The following ITFG1 variants were observed in gnomAD, a reference collection of about 807,000 sequenced individuals.
ITFG1 encodes the protein integrin alpha FG-GAP repeat containing 1.
A neutral mutation model predicts 81.8 loss-of-function variants in ITFG1; 34 were observed. The ratio of observed to expected loss-of-function variants is 0.42; its 90% CI spans 0.32 to 0.55. The LOEUF (loss-of-function observed/expected upper bound fraction) is 0.55, where lower values mean the gene tolerates loss of function less well. ITFG1 is among the 20% of genes least tolerant of loss of function. The pLI, the probability that ITFG1 is intolerant of heterozygous loss-of-function variation, is 0.17. For synonymous variants in ITFG1, 285 were observed against 270.6 expected (o/e 1.05, Z -0.52); for missense variants, 672 against 755.4 (o/e 0.89, Z 1.29).
intron 10 of ITFG1, among the ~76,000 whole-genome samples, chr16:47,307,622 T>G (rs923271253): frequency 2.0e-5 from 3 of 152,192 alleles, no homozygotes. Context: ...ACAATATTTC[T>G]TTCTTCTTTT....
chr16:47,379,458 C>A (rs1304432425), intron 6 of ITFG1, among the ~76,000 whole-genome samples: 2 of 152,030 alleles, frequency 1.3e-5, no homozygotes, highest in Admixed American at 6.6e-5. Context: ...GAGGCCGAGG[C>A]GGGCAGATCA....
chr16:47,454,538 G>T (rs575329664), intron 2 of ITFG1, among the ~76,000 whole-genome samples: 8 of 152,080 alleles, frequency 5.3e-5, no homozygotes, highest in Non-Finnish European at 7.4e-5. Context: ...TTATCACTGG[G>T]ATGTTTTCAA....
chr16:47,438,848 G>C (rs907060012), intron 5 of ITFG1, among the ~76,000 whole-genome samples: 1 of 152,202 alleles, frequency 6.6e-6, no homozygotes. Flanking sequence ...TGACTTTGAC[G>C]AGTTGAGAGA....
At chr16:47,414,270 T>A (rs186008329) in intron 6 of ITFG1, among the ~76,000 whole-genome samples, 7 of 151,786 alleles carry the variant, frequency 4.6e-5, no homozygotes, top group East Asian at 3.9e-4. Flanking sequence ...TTTTTTTTTT[T>A]ATCCCAGTTC....
chr16:47,161,101 A>T (rs1964797635), intron 16 of ITFG1, among the ~76,000 whole-genome samples: 1 of 152,256 alleles, frequency 6.6e-6, no homozygotes. Context: ...ATTTAAAAGG[A>T]ATAGAATCAA....
intron 7 of ITFG1, among the ~76,000 whole-genome samples, chr16:47,370,928 G>A (rs1190664009): frequency 6.6e-6 from 1 of 152,122 alleles, no homozygotes; most frequent in Non-Finnish European, 1.5e-5. Context: ...ATTGTTAATC[G>A]CAGTCATCCT....
intron 8 of ITFG1, among the ~76,000 whole-genome samples, chr16:47,353,749 T>A (rs953497839): frequency 2.6e-5 from 4 of 151,614 alleles, no homozygotes; most frequent in Admixed American, 2.6e-4. Flanking sequence ...TACATAATAA[T>A]AAACTATCTG....
chr16:47,450,142 C>T, intron 5 of ITFG1: 1 of 164,902 alleles, frequency 6.1e-6, no homozygotes, highest in South Asian at 1.3e-4. Flanking sequence ...CTGTGTTTTC[C>T]CTGCACCCCA....
rs545367534 is a variant in ITFG1 at position 47,428,447 on chromosome 16, A to G, written c.655+357T>C. Among the ~76,000 whole-genome samples the G allele has an allele frequency of 1.6e-4, 24 of 152,282 alleles. 1 individual carries two copies. The East Asian group carries it at 3.5e-3, about 22-fold the overall frequency. ...AAAGCCTGTGAAATTATTCTTGTAC[A>G]TAAGCTAAAGATTTTTCTTATTGTT... is the stretch of plus-strand genomic sequence containing the variant. On this transcript the variant is annotated intron_variant, in intron 6 of 17. Transcript: ENST00000320640.
chr16:47,454,646 G>C (rs910518205), intron 2 of ITFG1, among the ~76,000 whole-genome samples: 2 of 152,054 alleles, frequency 1.3e-5, no homozygotes, highest in African/African-American at 4.8e-5. Context: ...CTGAAAGCTA[G>C]TAAATTAAGA....
intron 5 of ITFG1, among the ~76,000 whole-genome samples, chr16:47,443,937 AAAAG>A (rs1165136635): frequency 6.6e-6 from 1 of 152,132 alleles, no homozygotes; most frequent in Non-Finnish European, 1.5e-5. Context: ...GGAAAAAACA[AAAAG>A]AAATTTAGAA....
intron 8 of ITFG1, among the ~76,000 whole-genome samples, chr16:47,315,551 T>C (rs1405427958): frequency 3.3e-5 from 5 of 152,156 alleles, no homozygotes; most frequent in Middle Eastern, 3.2e-3. Context: ...TAGTTTCTCT[T>C]TCTTCCAAGT....
At chr16:47,218,806 ACCTTGC>A in intron 14 of ITFG1, 56 bp downstream of exon 14, 1 of 971,242 alleles carries the variant, frequency 1.0e-6, no homozygotes, top group South Asian at 1.7e-5. Flanking sequence ...CCACCAGTTT[ACCTTGC>A]TAATATATTG....
chr16:47,422,131 A>G (rs1198362445), intron 6 of ITFG1, among the ~76,000 whole-genome samples: 1 of 152,242 alleles, frequency 6.6e-6, no homozygotes, highest in East Asian at 1.9e-4. Context: ...CAGTGCCACA[A>G]TAAACATACG....
chr16:47,331,085 A>G (rs1967630870), intron 8 of ITFG1, among the ~76,000 whole-genome samples: 1 of 152,150 alleles, frequency 6.6e-6, no homozygotes, highest in African/African-American at 2.4e-5. Flanking sequence ...GTGCCCATCA[A>G]CGGTGGACTG....
At chr16:47,334,417 GC>G (rs1173082166) in intron 8 of ITFG1, among the ~76,000 whole-genome samples, 1 of 152,112 alleles carries the variant, frequency 6.6e-6, no homozygotes, top group African/African-American at 2.4e-5. Context: ...GACAGAGTGA[GC>G]CCTGTCTTAA....
chr16:47,401,422 C>T (rs1449214370), intron 6 of ITFG1, among the ~76,000 whole-genome samples: 1 of 152,100 alleles, frequency 6.6e-6, no homozygotes, highest in African/African-American at 2.4e-5. Flanking sequence ...CAATGAAGTA[C>T]TCAAGGAGAG....
chr16:47,250,852 C>G (rs1425133209), intron 12 of ITFG1, among the ~76,000 whole-genome samples: 1 of 152,204 alleles, frequency 6.6e-6, no homozygotes, highest in East Asian at 1.9e-4. Flanking sequence ...GGAAACCTTT[C>G]AGCTCAGAGC....
At chr16:47,437,312 T>A (rs558830482) in intron 5 of ITFG1, among the ~76,000 whole-genome samples, 3 of 151,760 alleles carry the variant, frequency 2.0e-5, no homozygotes, top group Non-Finnish European at 4.4e-5. Flanking sequence ...ACAACAATTT[T>A]AAAAAGTTAG....
Sources: allele counts gnomAD v4.1 joint callset (sites outside exome capture counted in the v4.1 genomes callset), GRCh38; gene constraint gnomAD v4.1.1; transcripts MANE v1.5; gene names NCBI Gene and HGNC (gene_info 2026-07-23, HGNC 2026-07-21).